The following SLC4A4 variants were observed in gnomAD, a reference collection of about 807,000 sequenced individuals.
The protein encoded by SLC4A4 is electrogenic sodium bicarbonate cotransporter 1.
In SLC4A4, 27 loss-of-function variants were observed where a neutral mutation model predicts 111.5. That is an observed-to-expected ratio of 0.24 (90% confidence interval 0.18 to 0.33). The LOEUF is 0.33. Ranked by LOEUF, SLC4A4 falls within the 10% of genes least tolerant of loss-of-function variation. The pLI, the probability that SLC4A4 is intolerant of heterozygous loss-of-function variation, is 1.00. For synonymous variants in SLC4A4, 443 were observed against 463.4 expected (o/e 0.96, Z 0.57); for missense variants, 909 against 1,315.5 (o/e 0.69, Z 4.78).
chr4:71,509,913 G>A (rs553978597), intron 16 of SLC4A4, among the ~76,000 whole-genome samples: 1 of 152,304 alleles, frequency 6.6e-6, no homozygotes, highest in South Asian at 2.1e-4. Flanking sequence ...GAGGCCTCAA[G>A]GATGGAGAGA....
At chr4:71,273,184 A>G (rs1407645207) in intron 3 of SLC4A4, among the ~76,000 whole-genome samples, 1 of 152,184 alleles carries the variant, frequency 6.6e-6, no homozygotes, top group Non-Finnish European at 1.5e-5. Context: ...GAAGTGAGTA[A>G]TGCACCCAAG....
chr4:71,129,358 GA>G (rs961675654), intron 2 of SLC4A4, among the ~76,000 whole-genome samples: 7 of 151,674 alleles, frequency 4.6e-5, no homozygotes, highest in Admixed American at 1.3e-4. Context: ...ACAAGTATAT[GA>G]AAAAAAATGC....
At chr4:71,084,994 T>C (rs1245615455) in intron 1 of SLC4A4, among the ~76,000 whole-genome samples, 1 of 152,114 alleles carries the variant, frequency 6.6e-6, no homozygotes, top group Non-Finnish European at 1.5e-5. Flanking sequence ...ACTTCCACAA[T>C]GGTTGAACTA....
At chr4:71,370,373 A>G (rs1360775278) in intron 6 of SLC4A4, among the ~76,000 whole-genome samples, 1 of 152,204 alleles carries the variant, frequency 6.6e-6, no homozygotes, top group African/African-American at 2.4e-5. Flanking sequence ...AAGCTCTAAC[A>G]CTCACATGAT....
chr4:71,264,263 C>A (rs1274292131), intron 3 of SLC4A4, among the ~76,000 whole-genome samples: 3 of 152,026 alleles, frequency 2.0e-5, no homozygotes, highest in Non-Finnish European at 2.9e-5. Context: ...TAGCAGAATT[C>A]TATTATTTAA....
Position 71,196,834 on chromosome 4 carries a change from C to CA in SLC4A4, c.-2+9473dup, listed in dbSNP as rs71212000. 1.2e-3 allele frequency among the ~76,000 whole-genome samples: 24 copies of CA among 20,328 alleles called. 8 individuals carry two copies. The highest frequency in any genetic ancestry group is 3.9e-3 in the East Asian group (2 of 514). The allele number at this position is 20,328 out of a possible 152,430, so 13.3% of individuals were successfully genotyped here. A position where few individuals can be genotyped will look rare whatever the true frequency, so the allele number is the denominator to read the frequency against. ...GGGTGACAGAGCAAGACTCTGTCTC[C>CA]AAAAAAAAAAAAAAAAAAAAAAAAA... On this transcript the variant is annotated intron_variant, in intron 1 of 25. Transcript: ENST00000264485.
intron 2 of SLC4A4, among the ~76,000 whole-genome samples, chr4:71,134,763 G>A (rs917133840): frequency 6.6e-6 from 1 of 152,212 alleles, no homozygotes; most frequent in African/African-American, 2.4e-5. Context: ...AGTCCACAAG[G>A]CTGTACTAGT....
At chr4:71,262,561 G>C (rs535049275) in intron 3 of SLC4A4, among the ~76,000 whole-genome samples, 45 of 152,214 alleles carry the variant, frequency 3.0e-4, no homozygotes, top group Non-Finnish European at 5.3e-4. Context: ...GCCATGCACT[G>C]AGCGCTGTTG....
chr4:71,254,018 G>T (rs919600390), intron 2 of SLC4A4, among the ~76,000 whole-genome samples: 6 of 152,132 alleles, frequency 3.9e-5, no homozygotes, highest in African/African-American at 1.4e-4. Flanking sequence ...GATATACCCC[G>T]TAGGTTACTG....
intron 14 of SLC4A4, among the ~76,000 whole-genome samples, chr4:71,475,895 T>C (rs1728320981): frequency 6.6e-6 from 1 of 151,842 alleles, no homozygotes; most frequent in African/African-American, 2.4e-5. Flanking sequence ...GGTTAGTATT[T>C]AGCCTTGAAG....
chr4:71,369,689 AG>A (rs1015594844), intron 6 of SLC4A4, among the ~76,000 whole-genome samples: 39 of 152,316 alleles, frequency 2.6e-4, no homozygotes, highest in African/African-American at 9.4e-4. Context: ...AAAAATTTAG[AG>A]CTTGGTAAAG....
At chr4:71,092,426 G>A (rs1266736046) in intron 1 of SLC4A4, among the ~76,000 whole-genome samples, 1 of 152,088 alleles carries the variant, frequency 6.6e-6, no homozygotes. Context: ...ACCCTAGTAA[G>A]AATTAGTAGA....
intron 1 of SLC4A4, among the ~76,000 whole-genome samples, chr4:71,080,609 G>C (rs1417127909): frequency 6.6e-6 from 1 of 151,970 alleles, no homozygotes; most frequent in Non-Finnish European, 1.5e-5. Context: ...GATTATTTTT[G>C]TCTTTCTTCA....
At chr4:71,417,638 T>A (rs1294434449) in intron 7 of SLC4A4, among the ~76,000 whole-genome samples, 2 of 152,246 alleles carry the variant, frequency 1.3e-5, no homozygotes, top group Admixed American at 6.5e-5. Context: ...TCTTCTCCTT[T>A]CCTTGTCTCT....
Position 71,306,235 on chromosome 4 carries a change from G to A in SLC4A4, c.254-33135G>A, listed in dbSNP as rs2060900. On this transcript the variant is annotated intron_variant, in intron 3 of 25. Coordinates refer to ENST00000264485, the MANE Select transcript of SLC4A4 (RefSeq NM_001098484.3). ...TTTCTGTCTTTGCTATTTGTTAGCT[G>A]TCTGACCTTGAGCAGTTAGTTAGCT... Among the ~76,000 whole-genome samples the A allele has an allele frequency of 5.4e-3, 824 of 151,550 alleles. 9 individuals are homozygous for A. Among genetic ancestry groups the A allele is most frequent in the African/African-American group, 0.017 (701 of 41,304 alleles).
intron 15 of SLC4A4, 109 bp downstream of exon 15, chr4:71,487,127 A>G (rs1729479393): frequency 1.5e-6 from 1 of 688,340 alleles, no homozygotes. Flanking sequence ...TTCTGGCATG[A>G]ACACATACGT....
At chr4:71,138,033 A>G (rs1743893251) in intron 2 of SLC4A4, among the ~76,000 whole-genome samples, 1 of 152,186 alleles carries the variant, frequency 6.6e-6, no homozygotes, top group African/African-American at 2.4e-5. Flanking sequence ...CCATGGCTAT[A>G]TTTGCCAAAT....
intron 7 of SLC4A4, among the ~76,000 whole-genome samples, chr4:71,408,181 C>G (rs1721045474): frequency 1.3e-5 from 2 of 152,106 alleles, no homozygotes; most frequent in Admixed American, 6.5e-5. Flanking sequence ...CAGCACATAA[C>G]ATTGAGTATT....
At chr4:71,196,022 G>A (rs1371383879) in intron 1 of SLC4A4, among the ~76,000 whole-genome samples, 1 of 152,248 alleles carries the variant, frequency 6.6e-6, no homozygotes, top group Non-Finnish European at 1.5e-5. Flanking sequence ...GGGACCATCA[G>A]TTAGGCTGAA....
Sources: gnomAD v4.1 joint callset for allele counts (sites outside exome capture counted in the v4.1 genomes callset) on GRCh38, gnomAD v4.1.1 for gene constraint, MANE v1.5 for transcripts, NCBI Gene and HGNC (gene_info 2026-07-23, HGNC 2026-07-21) for gene names.